WASHC4: variants seen among roughly 807,000 people sequenced by gnomAD.
The protein encoded by WASHC4 is WASH complex subunit 7.
Under a neutral mutation model 166.6 loss-of-function variants are expected in WASHC4, and 86 were observed. The observed-to-expected ratio is 0.52, with a 90% CI of 0.43 to 0.62. The LOEUF (loss-of-function observed/expected upper bound fraction) is 0.62, where lower values mean the gene tolerates loss of function less well. Among genes scored for constraint, WASHC4 ranks in the 20% least tolerant of loss-of-function variants. WASHC4 has a pLI of 0.00. For missense variants in WASHC4, 1,262 were observed against 1,382.4 expected, an observed-to-expected ratio of 0.91 and a Z score of 1.38; for synonymous variants, 446 against 451.6, an observed-to-expected ratio of 0.99 and a Z score of 0.16.
chr12:105,144,360 A>T lies in WASHC4; in HGVS notation c.2084A>T (p.Asp695Val), dbSNP rs376811675. ...RLSVHTHLKL[D>V]DRNPFKVGMK... ...TCTGTGCATACTCATTTAAAGCTGG[A>T]TGACCGAAACCCTTTCAAAGTTGGC... is the stretch of plus-strand genomic sequence containing the variant. The change falls in exon 21 of 33, where the codon GAT (aspartate) becomes GTT (valine). Residue 695 changes from aspartate (D) to valine (V), a missense_variant. Asp to Val is a radical substitution (Grantham distance 152, BLOSUM62 -3). Transcript: ENST00000332180. The T allele has an allele frequency of 3.1e-6, 5 of 1,613,312 alleles. No homozygotes were observed. Among genetic ancestry groups the T allele is most frequent in the Non-Finnish European group, 4.2e-6 (5 of 1,179,454 alleles).
chr12:105,142,264 T>C (rs1396503114), intron 18 of WASHC4, among the ~76,000 whole-genome samples, 189 bp from the exon 19 acceptor site: 2 of 152,086 alleles, frequency 1.3e-5, no homozygotes, highest in Non-Finnish European at 2.9e-5. Context: ...GGCATTGGAG[T>C]GTTTGTTACC....
chr12:105,122,951 G>A (rs1880910349), intron 10 of WASHC4, among the ~76,000 whole-genome samples: 1 of 152,060 alleles, frequency 6.6e-6, no homozygotes, highest in African/African-American at 2.4e-5. Flanking sequence ...GTGTTCAAAC[G>A]AAAAGAAGAG....
chr12:105,146,228 A>G (rs538977179), intron 22 of WASHC4, among the ~76,000 whole-genome samples: 1 of 152,024 alleles, frequency 6.6e-6, no homozygotes, highest in Non-Finnish European at 1.5e-5. Flanking sequence ...TTTAAACTTA[A>G]CTGTTCCTGT....
At chr12:105,109,649 CTT>C (rs36080234) in intron 1 of WASHC4, among the ~76,000 whole-genome samples, 110 of 97,600 alleles carry the variant, frequency 1.1e-3, no homozygotes, top group African/African-American at 3.5e-3. Context: ...CTAGCATTGT[CTT>C]TTTTTTTTTT....
At chr12:105,113,060 TC>T (rs919227684) in intron 2 of WASHC4, among the ~76,000 whole-genome samples, 96 of 151,596 alleles carry the variant, frequency 6.3e-4, no homozygotes, top group Non-Finnish European at 1.1e-3. Flanking sequence ...TTAAAAATCA[TC>T]CCCCCCCAAA....
intron 6 of WASHC4, among the ~76,000 whole-genome samples, chr12:105,118,232 G>T (rs1296822876): frequency 6.6e-6 from 1 of 152,212 alleles, no homozygotes; most frequent in Non-Finnish European, 1.5e-5. Context: ...ATGAAATGCA[G>T]TGGGAACAAA....
rs201061394 is a variant in WASHC4, at chr12:105,120,374, T to C, written c.519-181T>C. Among the ~76,000 whole-genome samples, 27 of 152,356 alleles carry C rather than the reference T, an allele frequency of 1.8e-4. No homozygotes were observed. The East Asian group carries it at 4.8e-3, about 27-fold the overall frequency. On this transcript the variant is annotated intron_variant, in intron 7 of 32. Transcript: ENST00000332180. The stretch of plus-strand genomic sequence containing the variant: ...TTACTTTTGCACCATCCTAATAGTA[T>C]GCACAAAGTAGTTCTCTTCTTGGGA...
Position 105,161,347 on chromosome 12 carries a change from A to G in WASHC4, c.3060+1199A>G, listed in dbSNP as rs80354683. On this transcript the variant is annotated intron_variant, in intron 29 of 32. Transcript: ENST00000332180. Reference sequence around the variant, plus strand: ...AACTATGATATAGCAAAAAATGTTCATATTCATCTTGTAAGAATCTTTTCA... The same window carrying G: ...AACTATGATATAGCAAAAAATGTTCGTATTCATCTTGTAAGAATCTTTTCA... Among the ~76,000 whole-genome samples, 585 of 152,354 alleles carry G rather than the reference A, an allele frequency of 3.8e-3. 4 individuals are homozygous for G. The highest frequency in any genetic ancestry group is 0.013 in the African/African-American group (560 of 41,580).
At chr12:105,115,537 G>C (rs1880099927) in intron 5 of WASHC4, 124 bp from the exon 6 acceptor site, 1 of 713,610 alleles carries the variant, frequency 1.4e-6, no homozygotes, top group African/African-American at 1.8e-5. Context: ...TAAAAATTCT[G>C]TTTTCAATAC....
In WASHC4 at chr12:105,164,740, GGT is replaced by G; in HGVS notation, c.3454+1_3454+2del. ...AAACCAAGAAAAGAAAGAGAAGGAA[GGT>G]CAGTGAGTGGTTTAAATTTGGAAAG... On this transcript the variant is annotated splice_donor_variant, in intron 32 of 32. Transcript: ENST00000332180. LOFTEE classifies it high-confidence loss of function. The G allele has an allele frequency of 6.2e-7, 1 of 1,605,862 alleles. No individual in the cohort carries two copies. Among genetic ancestry groups the G allele is most frequent in the Non-Finnish European group, 8.5e-7 (1 of 1,173,532 alleles).
chr12:105,151,260 G>A (rs1200060994), intron 25 of WASHC4, among the ~76,000 whole-genome samples: 1 of 151,868 alleles, frequency 6.6e-6, no homozygotes, highest in Non-Finnish European at 1.5e-5. Flanking sequence ...GGCAGCAGGC[G>A]CATGTAGCCA....
At chr12:105,122,345 T>A in intron 10 of WASHC4, 107 bp downstream of exon 10, 1 of 1,220,434 alleles carries the variant, frequency 8.2e-7, no homozygotes, top group Non-Finnish European at 1.2e-6. Flanking sequence ...TAATTTTCTT[T>A]AAAAAGTGCT....
intron 29 of WASHC4, among the ~76,000 whole-genome samples, chr12:105,161,877 C>T (rs1421869053): frequency 2.0e-5 from 3 of 152,182 alleles, no homozygotes; most frequent in East Asian, 1.9e-4. Flanking sequence ...TGTATAGTCA[C>T]ATGTGGCTAC....
chr12:105,144,689 T>G, intron 21 of WASHC4, 29 bp from the exon 22 acceptor site: 1 of 1,595,780 alleles, frequency 6.3e-7, no homozygotes, highest in Non-Finnish European at 8.6e-7. Flanking sequence ...TTCTACTGTT[T>G]CACAAGTTGA....
chr12:105,162,168 A>G (rs1287404568), intron 29 of WASHC4, among the ~76,000 whole-genome samples: 2 of 152,198 alleles, frequency 1.3e-5, no homozygotes, highest in Non-Finnish European at 2.9e-5. Context: ...AGCTTCAGTA[A>G]ATCTTTGTTG....
At chr12:105,125,316 C>T (rs1379779864) in intron 10 of WASHC4, among the ~76,000 whole-genome samples, 1 of 151,852 alleles carries the variant, frequency 6.6e-6, no homozygotes, top group African/African-American at 2.4e-5. Flanking sequence ...ATGGCATAGC[C>T]TAGAAATATT....
chr12:105,153,551 T>C (rs903207155), intron 26 of WASHC4, among the ~76,000 whole-genome samples: 21 of 152,242 alleles, frequency 1.4e-4, no homozygotes, highest in Non-Finnish European at 2.9e-4. Flanking sequence ...GGCAAACTTA[T>C]GGAGCAATAG....
intron 19 of WASHC4, among the ~76,000 whole-genome samples, chr12:105,142,898 T>C (rs1267316544): frequency 1.3e-5 from 2 of 152,088 alleles, no homozygotes; most frequent in East Asian, 3.8e-4. Context: ...AATAAGTGTG[T>C]TTAAATGCAC....
Position 105,123,306 on chromosome 12 carries a change from C to T in WASHC4, c.786+1068C>T, listed in dbSNP as rs79548555. On this transcript the variant is annotated intron_variant, in intron 10 of 32. Transcript: ENST00000332180. ...TCCAGCTTGGGCGACGAGGGAGACT[C>T]CATCTTTTAGGGGGGTGGGGAAAGC... 4.6e-5 allele frequency among the ~76,000 whole-genome samples: 7 copies of T among 152,132 alleles called. No homozygotes were observed. The East Asian group carries it at 1.4e-3, about 29-fold the overall frequency.
Sources: gnomAD v4.1 joint callset for allele counts (sites outside exome capture counted in the v4.1 genomes callset) on GRCh38, gnomAD v4.1.1 for gene constraint, MANE v1.5 for transcripts, NCBI Gene and HGNC (gene_info 2026-07-23, HGNC 2026-07-21) for gene names.